Variants in KIF15 observed in about 807,000 individuals in gnomAD.
The protein encoded by KIF15 is kinesin family member 15, also known as kinesin-like protein KIF15.
Under a neutral mutation model 190.6 loss-of-function variants are expected in KIF15, and 140 were observed. The observed-to-expected ratio is 0.73, with a 90% CI of 0.64 to 0.84. The LOEUF is 0.84. Ranked by LOEUF, KIF15 falls within the 40% of genes least tolerant of loss-of-function variation. The pLI, the probability that KIF15 is intolerant of heterozygous loss-of-function variation, is 0.00. For synonymous variants in KIF15, 528 were observed against 551.3 expected (o/e 0.96, Z 0.59); for missense variants, 1,372 against 1,584.4 (o/e 0.87, Z 2.28).
At chr3:44,802,075 T>A in intron 13 of KIF15, 101 bp downstream of exon 13, 2 of 757,714 alleles carry the variant, frequency 2.6e-6, no homozygotes, top group Non-Finnish European at 4.2e-6. Flanking sequence ...TGGAAATTGT[T>A]TTAAGTGAAT....
chr3:44,772,450 A>G (rs563583824), intron 1 of KIF15, among the ~76,000 whole-genome samples: 1 of 152,356 alleles, frequency 6.6e-6, no homozygotes, highest in African/African-American at 2.4e-5. Context: ...GGGGCAAGAC[A>G]AAATGGAGAA....
chr3:44,829,043 A>G (rs1329408741), intron 24 of KIF15, among the ~76,000 whole-genome samples: 2 of 151,610 alleles, frequency 1.3e-5, no homozygotes, highest in African/African-American at 2.4e-5. Context: ...GTCTCAAAAA[A>G]AAAAATTATA....
intron 5 of KIF15, among the ~76,000 whole-genome samples, chr3:44,784,386 G>C (rs1706312428): frequency 6.6e-6 from 1 of 151,786 alleles, no homozygotes; most frequent in South Asian, 2.1e-4. Context: ...TCGTGATCTC[G>C]ATCTCCTGAA....
At chr3:44,848,444 CCTTT>C in intron 31 of KIF15, 73 bp from the exon 32 acceptor site, 3 of 689,310 alleles carry the variant, frequency 4.4e-6, no homozygotes, top group Non-Finnish European at 7.4e-6. Context: ...TGGGCTGGTT[CCTTT>C]CTATCTTTTT....
chr3:44,845,324 T>C (rs1698793812), intron 30 of KIF15, among the ~76,000 whole-genome samples: 2 of 152,120 alleles, frequency 1.3e-5, no homozygotes, highest in South Asian at 2.1e-4. Context: ...CTGGTAATGG[T>C]AGCTTTGGAG....
intron 8 of KIF15, 39 bp from the exon 9 acceptor site, chr3:44,797,512 A>G (rs750977479): frequency 3.6e-5 from 57 of 1,604,990 alleles, no homozygotes; most frequent in Non-Finnish European, 4.7e-5. Flanking sequence ...AGAGTAACCA[A>G]CGTACCTAAA....
intron 20 of KIF15, among the ~76,000 whole-genome samples, chr3:44,817,751 A>G (rs1161079470): frequency 6.6e-6 from 1 of 152,204 alleles, no homozygotes; most frequent in African/African-American, 2.4e-5. Flanking sequence ...TATGAACTTT[A>G]AAGTAGTTTT....
chr3:44,856,428 G>A (rs142726945), downstream of KIF15, among the ~76,000 whole-genome samples: 1,674 of 152,284 alleles, frequency 0.011, 10 homozygotes, highest in Middle Eastern at 0.027. Flanking sequence ...TCTAAGAGGC[G>A]GGTTAGCGGC....
Position 44,797,557 on chromosome 3 carries a change from G to A in KIF15, c.856G>A (p.Gly286Ser). 1 of 1,613,648 alleles carries A rather than the reference G, an allele frequency of 6.2e-7. No individual in the cohort carries two copies. Among genetic ancestry groups the A allele is most frequent in the Admixed American group, 1.7e-5 (1 of 59,860 alleles). ...TTTTCCGTCAACACTTTAGGAAGCA[G>A]GTAACATAAATCGATCATTGAGCTG... ...HAEGMRLKEA[G>S]NINRSLSCLG... The change falls in exon 9 of 35, where the codon GGT becomes AGT. Residue 286 changes from glycine to serine, a missense_variant. Coordinates refer to ENST00000326047, the MANE Select transcript of KIF15 (RefSeq NM_020242.3).
At chr3:44,804,286 T>C (rs1380033566) in intron 14 of KIF15, among the ~76,000 whole-genome samples, 1 of 152,232 alleles carries the variant, frequency 6.6e-6, no homozygotes, top group Non-Finnish European at 1.5e-5. Context: ...TTTCTAAACA[T>C]TGATCATTCT....
chr3:44,852,143 T>C, intron 33 of KIF15, 65 bp from the exon 34 acceptor site: 4 of 1,552,898 alleles, frequency 2.6e-6, no homozygotes, highest in East Asian at 2.3e-5. Flanking sequence ...CAAGAAATAA[T>C]GTGACTTTAA....
Position 44,838,513 on chromosome 3 carries a change from G to A in KIF15, c.3318+92G>A. On this transcript the variant is annotated intron_variant, in intron 27 of 34. Transcript: ENST00000326047. ...AATCCCAGCACTTTGAGAGGCCAAG[G>A]GGGTGGACCACTTGAAGTCAGGAGT... 5 of 1,285,408 alleles carry A rather than the reference G, an allele frequency of 3.9e-6. No homozygotes were observed. The South Asian group carries it at 4.7e-5, about 12-fold the overall frequency. The allele number at this position is 1,285,408 out of a possible 1,614,324, so 79.6% of individuals were successfully genotyped here. A position where few individuals can be genotyped will look rare whatever the true frequency, so the allele number is the denominator to read the frequency against.
intron 20 of KIF15, among the ~76,000 whole-genome samples, chr3:44,823,635 C>T (rs1697480787): frequency 1.3e-5 from 2 of 152,354 alleles, no homozygotes; most frequent in South Asian, 2.1e-4. Context: ...TCTATAGAGG[C>T]AGCCGGCCTT....
chr3:44,802,870 G>A lies in KIF15; in HGVS notation c.1566G>A (p.Glu522=), dbSNP rs1707341893. The A allele has an allele frequency of 1.2e-6, 2 of 1,610,112 alleles. No individual in the cohort carries two copies. Among genetic ancestry groups the A allele is most frequent in the Middle Eastern group, 1.7e-4 (1 of 6,046 alleles). ...CTATGGAAAATCATTCCCTCAGGGA[G>A]GAGAATAGAAGACTGAGATTATTAG... is the stretch of plus-strand genomic sequence containing the variant. ...KYAMENHSLR[E]ENRRLRLLEP... is the part of the protein sequence containing the mutation. Residue 522 remains glutamate (E), a synonymous_variant, in exon 14 of 35, where the codon GAG becomes GAA. Transcript: ENST00000326047.
intron 13 of KIF15, among the ~76,000 whole-genome samples, chr3:44,802,401 A>C (rs921515660): frequency 1.3e-5 from 2 of 152,218 alleles, no homozygotes; most frequent in African/African-American, 2.4e-5. Context: ...ATGAATATTC[A>C]AACTAATATG....
At chr3:44,816,075 A>G in intron 20 of KIF15, among the ~76,000 whole-genome samples, 1 of 152,316 alleles carries the variant, frequency 6.6e-6, no homozygotes, top group Non-Finnish European at 1.5e-5. Flanking sequence ...GTAAAATGAA[A>G]AAAATGCATA....
chr3:44,834,016 CTT>C (rs1320997744), intron 26 of KIF15, among the ~76,000 whole-genome samples: 1 of 152,138 alleles, frequency 6.6e-6, no homozygotes, highest in Non-Finnish European at 1.5e-5. Flanking sequence ...CCTAAAAGCT[CTT>C]CTTTCCTTCC....
chr3:44,800,409 G>T lies in KIF15; in HGVS notation c.1194G>T (p.Gln398His). The change falls in exon 11 of 35, where the codon CAG (glutamine) becomes CAT (histidine). Residue 398 changes from glutamine (Q) to histidine (H), a missense_variant. Transcript: ENST00000326047. ...AACTGGCGGAGCTTGCTTCAGGACAGACACCACCAGAAAGCTTCCTGACCA... is the reference window on the plus strand; with the variant it reads ...AACTGGCGGAGCTTGCTTCAGGACATACACCACCAGAAAGCTTCCTGACCA... ...KEQLAELASG[Q>H]TPPESFLTRD... The T allele has an allele frequency of 6.2e-7, 1 of 1,614,126 alleles. No homozygotes were observed. The highest frequency in any genetic ancestry group is 1.1e-5 in the South Asian group (1 of 91,080).
chr3:44,840,286 G>C, intron 27 of KIF15, 69 bp from the exon 28 acceptor site: 2 of 874,866 alleles, frequency 2.3e-6, no homozygotes, highest in South Asian at 3.2e-5. Context: ...TGGGAAGTTT[G>C]TCTTTTCTAT....
Sources: gnomAD v4.1 joint callset for allele counts (sites outside exome capture counted in the v4.1 genomes callset) on GRCh38, gnomAD v4.1.1 for gene constraint, MANE v1.5 for transcripts, NCBI Gene and HGNC (gene_info 2026-07-23, HGNC 2026-07-21) for gene names.